The following GPBP1 variants were observed in gnomAD, a reference collection of about 807,000 sequenced individuals.
The protein encoded by GPBP1 is vasculin.
A neutral mutation model predicts 56.5 loss-of-function variants in GPBP1; 13 were observed. That is an observed-to-expected ratio of 0.23 (90% CI 0.15 to 0.37). The LOEUF is 0.37. GPBP1 is among the 10% of genes least tolerant of loss of function. The pLI, the probability that GPBP1 is intolerant of heterozygous loss-of-function variation, is 1.00. For missense variants in GPBP1, 477 were observed against 572.3 expected (o/e 0.83, Z 1.70); for synonymous variants, 204 against 188.9 (o/e 1.08, Z -0.66).
At chr5:57,235,197 C>G (rs1035124654) in intron 5 of GPBP1, among the ~76,000 whole-genome samples, 23 of 151,974 alleles carry the variant, frequency 1.5e-4, no homozygotes, top group African/African-American at 5.6e-4. Flanking sequence ...ATCCCAGCTA[C>G]TTGGGAGGCT....
Position 57,177,999 on chromosome 5 carries a change from A to G in GPBP1, c.-58+1599A>G, listed in dbSNP as rs1304142045. On this transcript the variant is annotated intron_variant, in intron 2 of 11. Transcript: ENST00000506184. The stretch of plus-strand genomic sequence containing the variant: ...GAGTTCAGTGTTTCCCTTTGTTATA[A>G]TAGACTAGGTTATATGTGTTTTCTC... 3.9e-5 allele frequency among the ~76,000 whole-genome samples: 6 copies of G among 151,974 alleles called. No homozygotes were observed. The South Asian group carries it at 8.3e-4, about 21-fold the overall frequency.
chr5:57,238,194 G>C (rs1321649678), intron 6 of GPBP1, among the ~76,000 whole-genome samples: 1 of 152,196 alleles, frequency 6.6e-6, no homozygotes, highest in Non-Finnish European at 1.5e-5. Context: ...GTAATTGTTT[G>C]ATTGATTTCT....
chr5:57,191,127 C>A (rs1356610318), intron 2 of GPBP1, among the ~76,000 whole-genome samples: 1 of 151,614 alleles, frequency 6.6e-6, no homozygotes, highest in Admixed American at 6.6e-5. Flanking sequence ...TCTCCGTCAC[C>A]CAGGCTGGAG....
Position 57,264,078 on chromosome 5 carries a change from C to T in GPBP1, c.*1326C>T, listed in dbSNP as rs1167075490. On this transcript the variant is annotated 3_prime_UTR_variant, in exon 12 of 12. Transcript: ENST00000506184. ...TTGCTATTTCTGCATAAATACCCTA[C>T]CTGGACTCCCCAGTTTTCACCAGAA... 3 of 152,050 alleles carry T rather than the reference C, an allele frequency of 2.0e-5. No individual in the cohort carries two copies. Among genetic ancestry groups the T allele is most frequent in the African/African-American group, 4.8e-5 (2 of 41,412 alleles). 9.4% of individuals were successfully genotyped at this position (152,050 alleles called of 1,614,324 possible). A position where few individuals can be genotyped will look rare whatever the true frequency, so the allele number is the denominator to read the frequency against.
At position 57,230,959 on chromosome 5, in the gene GPBP1, T is replaced by C; in HGVS notation, c.177T>C (p.Arg59=). 1 of 1,601,556 alleles carries C rather than the reference T, an allele frequency of 6.2e-7. No individual in the cohort carries two copies. Among genetic ancestry groups the C allele is most frequent in the East Asian group, 2.2e-5 (1 of 44,700 alleles). Reference sequence around the variant, plus strand: ...ATGGCTTTGATTCTGCTATTGGGCGTCCTAATGGAGGTAAAATTTGCTAAG... The same window carrying C: ...ATGGCTTTGATTCTGCTATTGGGCGCCCTAATGGAGGTAAAATTTGCTAAG... ...SSDGFDSAIG[R]PNGGNFGRKE... is the part of the protein sequence containing the mutation. Residue 59 remains arginine (R), a synonymous_variant, in exon 4 of 12, where the codon CGT becomes CGC. Coordinates refer to ENST00000506184, the MANE Select transcript of GPBP1 (RefSeq NM_022913.4).
At chr5:57,230,180 C>T (rs1756388386) in intron 3 of GPBP1, among the ~76,000 whole-genome samples, 1 of 152,132 alleles carries the variant, frequency 6.6e-6, no homozygotes, top group Non-Finnish European at 1.5e-5. Flanking sequence ...GATCCGCTTG[C>T]CTCGGCCTCC....
intron 2 of GPBP1, among the ~76,000 whole-genome samples, chr5:57,209,171 C>A (rs1047381698): frequency 2.4e-4 from 37 of 152,202 alleles, no homozygotes; most frequent in African/African-American, 8.9e-4. Context: ...GATCTTCTAT[C>A]TTGGCAGCGT....
chr5:57,256,324 A>G (rs1580085516), intron 10 of GPBP1, among the ~76,000 whole-genome samples: 1 of 152,056 alleles, frequency 6.6e-6, no homozygotes, highest in African/African-American at 2.4e-5. Flanking sequence ...GGGAAAAAAA[A>G]ACACCCCATA....
intron 3 of GPBP1, among the ~76,000 whole-genome samples, chr5:57,227,351 G>A (rs188225626): frequency 1.6e-4 from 25 of 152,108 alleles, no homozygotes; most frequent in African/African-American, 6.0e-4. Context: ...ACAGGCATGA[G>A]CCACCACACC....
chr5:57,233,602 CTG>C (rs1399757747), intron 5 of GPBP1, among the ~76,000 whole-genome samples: 1 of 152,102 alleles, frequency 6.6e-6, no homozygotes, highest in Non-Finnish European at 1.5e-5. Flanking sequence ...TAGAGAAAAA[CTG>C]TTACTAAAGT....
chr5:57,261,107 T>G, intron 10 of GPBP1, 73 bp from the exon 11 acceptor site: 1 of 949,028 alleles, frequency 1.1e-6, no homozygotes, highest in Non-Finnish European at 1.7e-6. Context: ...CATGTTTTCT[T>G]ATACATAATG....
chr5:57,189,270 C>T (rs1226478801), intron 2 of GPBP1, among the ~76,000 whole-genome samples: 1 of 152,224 alleles, frequency 6.6e-6, no homozygotes, highest in Non-Finnish European at 1.5e-5. Context: ...AGGTGCCTGC[C>T]ACCGTGCCCA....
intron 2 of GPBP1, among the ~76,000 whole-genome samples, chr5:57,179,207 T>C (rs2065341678): frequency 6.6e-6 from 1 of 152,256 alleles, no homozygotes; most frequent in South Asian, 2.1e-4. Context: ...TTATCTTTGA[T>C]ATTTTTTTCT....
At chr5:57,192,112 G>A (rs1754553278) in intron 2 of GPBP1, among the ~76,000 whole-genome samples, 1 of 152,172 alleles carries the variant, frequency 6.6e-6, no homozygotes, top group African/African-American at 2.4e-5. Flanking sequence ...CTCTTAGAAG[G>A]ATGCTAAACT....
intron 6 of GPBP1, among the ~76,000 whole-genome samples, chr5:57,240,525 TTAATA>T (rs1325250198): frequency 6.6e-6 from 1 of 152,224 alleles, no homozygotes; most frequent in African/African-American, 2.4e-5. Flanking sequence ...ATTTTCTTCA[TTAATA>T]TAATGGTGGA....
At chr5:57,187,040 A>G (rs377315618) in intron 2 of GPBP1, among the ~76,000 whole-genome samples, 29 of 128,886 alleles carry the variant, frequency 2.3e-4, no homozygotes, top group South Asian at 4.9e-4. Flanking sequence ...GTGTGTGTGT[A>G]TGTATGTTTG....
intron 2 of GPBP1, among the ~76,000 whole-genome samples, chr5:57,197,645 C>T (rs938327565): frequency 1.3e-5 from 2 of 152,162 alleles, no homozygotes; most frequent in African/African-American, 4.8e-5. Context: ...AGGCGGGAGC[C>T]ATTGCGCCTG....
chr5:57,197,804 A>T, intron 2 of GPBP1, among the ~76,000 whole-genome samples: 1 of 147,834 alleles, frequency 6.8e-6, no homozygotes, highest in African/African-American at 2.5e-5. Context: ...TTTCCTTTTT[A>T]TTCATAGTTT....
At chr5:57,177,946 G>A (rs1017955068) in intron 2 of GPBP1, among the ~76,000 whole-genome samples, 5 of 151,642 alleles carry the variant, frequency 3.3e-5, no homozygotes, top group African/African-American at 1.2e-4. Flanking sequence ...GTAAAATAGA[G>A]TTTTTTTTCT....
Sources: gnomAD v4.1 joint callset for allele counts (sites outside exome capture counted in the v4.1 genomes callset) on GRCh38, gnomAD v4.1.1 for gene constraint, MANE v1.5 for transcripts, NCBI Gene and HGNC (gene_info 2026-07-23, HGNC 2026-07-21) for gene names.